WDR64: variants seen among roughly 807,000 people sequenced by gnomAD.
The protein encoded by WDR64 is WD repeat-containing protein 64.
A neutral mutation model predicts 139.3 loss-of-function variants in WDR64; 112 were observed. The ratio of observed to expected loss-of-function variants is 0.80; its 90% CI spans 0.69 to 0.94. WDR64 has a LOEUF of 0.94. WDR64 is among the 40% of genes least tolerant of loss of function. The pLI, the probability that WDR64 is intolerant of heterozygous loss-of-function variation, is 0.00. For missense variants in WDR64, 1,206 were observed against 1,293.1 expected, an observed-to-expected ratio of 0.93 and a Z score of 1.03; for synonymous variants, 444 against 437.7, an observed-to-expected ratio of 1.01 and a Z score of -0.18.
At chr1:241,659,935 G>C (rs1665757880) in intron 1 of WDR64, among the ~76,000 whole-genome samples, 1 of 152,054 alleles carries the variant, frequency 6.6e-6, no homozygotes. Context: ...GTCAATTTTT[G>C]CTTTTGTTGC....
At chr1:241,709,673 T>C (rs982925292) in intron 8 of WDR64, among the ~76,000 whole-genome samples, 7 of 152,116 alleles carry the variant, frequency 4.6e-5, no homozygotes, top group African/African-American at 1.7e-4. Flanking sequence ...AGAGATACAC[T>C]GTAAAAAGTA....
chr1:241,653,537 TC>T (rs1665446401), intron 1 of WDR64, among the ~76,000 whole-genome samples: 1 of 114,956 alleles, frequency 8.7e-6, no homozygotes, highest in Admixed American at 1.0e-4. Flanking sequence ...TCTTTTCTTT[TC>T]TTTTCTTTTT....
chr1:241,684,964 G>T (rs1666951455), intron 7 of WDR64, among the ~76,000 whole-genome samples: 3 of 151,962 alleles, frequency 2.0e-5, no homozygotes, highest in South Asian at 4.2e-4. Context: ...TCACCATGTT[G>T]GTCAGGCTGG....
At chr1:241,720,003 T>C (rs1402787072) in intron 9 of WDR64, among the ~76,000 whole-genome samples, 1 of 152,182 alleles carries the variant, frequency 6.6e-6, no homozygotes, top group Non-Finnish European at 1.5e-5. Flanking sequence ...CGTGAGTCCA[T>C]GTGTCCATTC....
chr1:241,787,798 T>C (rs903700542), intron 23 of WDR64, 51 bp from the exon 24 acceptor site: 5 of 1,501,322 alleles, frequency 3.3e-6, no homozygotes, highest in Middle Eastern at 1.8e-4. Context: ...CAGAATAACT[T>C]TGACCAAATT....
intron 4 of WDR64, among the ~76,000 whole-genome samples, chr1:241,676,874 G>A (rs1666578714): frequency 6.6e-6 from 1 of 151,224 alleles, no homozygotes; most frequent in African/African-American, 2.4e-5. Context: ...AGTGAGCCAT[G>A]CCCAGCCCAA....
At chr1:241,761,483 G>A (rs895497833) in intron 15 of WDR64, among the ~76,000 whole-genome samples, 2 of 150,682 alleles carry the variant, frequency 1.3e-5, no homozygotes, top group Non-Finnish European at 3.0e-5. Context: ...CATATTTTTT[G>A]TCAATTTTTC....
intron 8 of WDR64, among the ~76,000 whole-genome samples, chr1:241,702,403 TA>T (rs1667751241): frequency 6.6e-6 from 1 of 152,018 alleles, no homozygotes; most frequent in Non-Finnish European, 1.5e-5. Flanking sequence ...GATAGTCTTA[TA>T]AAAATTACTT....
chr1:241,773,964 G>C (rs6660576), intron 20 of WDR64, among the ~76,000 whole-genome samples: 26,301 of 152,120 alleles, frequency 0.17, 2,649 homozygotes, highest in African/African-American at 0.26. Context: ...CCAAACAGTT[G>C]AAAGAAGGTA....
chr1:241,681,898 A>G (rs1235742956), intron 6 of WDR64, among the ~76,000 whole-genome samples: 3 of 151,812 alleles, frequency 2.0e-5, no homozygotes. Context: ...ATTTTTTTCC[A>G]TATTTTTGTT....
intron 10 of WDR64, among the ~76,000 whole-genome samples, chr1:241,726,673 A>T (rs1463237155): frequency 6.6e-6 from 1 of 152,178 alleles, no homozygotes; most frequent in Non-Finnish European, 1.5e-5. Flanking sequence ...TCATATGAAA[A>T]TATCTAAATA....
chr1:241,754,653 G>A (rs1670110010), intron 14 of WDR64, among the ~76,000 whole-genome samples: 1 of 151,980 alleles, frequency 6.6e-6, no homozygotes, highest in East Asian at 1.9e-4. Flanking sequence ...CACGTGCCAT[G>A]GTGGTTTGCT....
chr1:241,798,111 C>A (rs1366172632), intron 27 of WDR64, among the ~76,000 whole-genome samples: 3 of 152,076 alleles, frequency 2.0e-5, no homozygotes, highest in Non-Finnish European at 4.4e-5. Context: ...TATTAGAGAT[C>A]ATAAAGAATG....
chr1:241,774,815 G>T (rs143087794), intron 20 of WDR64, among the ~76,000 whole-genome samples: 4 of 152,212 alleles, frequency 2.6e-5, no homozygotes, highest in Non-Finnish European at 4.4e-5. Context: ...TGCATGAAAA[G>T]GGTCATGGGA....
chr1:241,678,948 G>T (rs1347007880), intron 5 of WDR64, among the ~76,000 whole-genome samples: 1 of 149,386 alleles, frequency 6.7e-6, no homozygotes, highest in Admixed American at 6.7e-5. Flanking sequence ...TGAAATGCAT[G>T]CAGCAGTCAT....
Position 241,660,648 on chromosome 1 carries a change from A to G in WDR64, c.264A>G (p.Ala88=). Residue 88 remains alanine, a synonymous_variant, in exon 2 of 28, where the codon GCA becomes GCG. Coordinates refer to ENST00000437684, the MANE Select transcript of WDR64 (RefSeq NM_001367482.1). ...TGTGCAACAACACGGATGCATCTGC[A>G]GACTGGTGTGAGGTAGACTCATTTC... ...RKLCNNTDAS[A]DWCEIFGYFS... is the part of the protein sequence containing the mutation. 1 of 1,551,526 alleles carries G rather than the reference A, an allele frequency of 6.4e-7. No homozygotes were observed. Among genetic ancestry groups the G allele is most frequent in the East Asian group, 2.4e-5 (1 of 40,916 alleles).
rs539709854 is a variant in WDR64, at chr1:241,742,085, C to A, written c.1470+421C>A. 7.2e-5 allele frequency among the ~76,000 whole-genome samples: 11 copies of A among 152,234 alleles called. No homozygotes were observed. The South Asian group carries it at 2.3e-3, about 32-fold the overall frequency. On this transcript the variant is annotated intron_variant, in intron 12 of 27. Coordinates refer to ENST00000437684, the MANE Select transcript of WDR64 (RefSeq NM_001367482.1). ...AAGAGCTTTAAGTCTCTGTGATCTG[C>A]TTTAATCTTCACAACAGTTCTCTGT... is the stretch of plus-strand genomic sequence containing the variant.
intron 16 of WDR64, among the ~76,000 whole-genome samples, chr1:241,768,856 T>A (rs1490275917): frequency 4.6e-5 from 7 of 152,166 alleles, no homozygotes; most frequent in Non-Finnish European, 8.8e-5. Flanking sequence ...AAGAGCAGGG[T>A]CCTCACTGGA....
In WDR64 at chr1:241,723,394, C is replaced by T; in HGVS notation, c.1152C>T (p.Thr384=). 1.9e-6 allele frequency: 3 copies of T among 1,613,710 alleles called. No individual in the cohort carries two copies. Among genetic ancestry groups the T allele is most frequent in the Non-Finnish European group, 2.5e-6 (3 of 1,179,798 alleles). ...GHMFSIAEIV[T]NEKDQHVVSL... ...TGTTCAGTATCGCCGAGATCGTAAC[C>T]AATGAAAAAGATCAACATGTCGTCA... The change falls in exon 10 of 28, where the codon ACC becomes ACT. Residue 384 remains threonine, a synonymous_variant. Coordinates refer to ENST00000437684, the MANE Select transcript of WDR64 (RefSeq NM_001367482.1).
Sources: gnomAD v4.1 joint callset for allele counts (sites outside exome capture counted in the v4.1 genomes callset) on GRCh38, gnomAD v4.1.1 for gene constraint, MANE v1.5 for transcripts, NCBI Gene and HGNC (gene_info 2026-07-23, HGNC 2026-07-21) for gene names.